The following ABCA10 variants were observed in gnomAD, a reference collection of about 807,000 sequenced individuals.
ABCA10 encodes the protein ATP binding cassette subfamily A member 10.
A neutral mutation model predicts 187.5 loss-of-function variants in ABCA10; 169 were observed. The ratio of observed to expected loss-of-function variants is 0.90; its 90% CI spans 0.80 to 1.02. The LOEUF is 1.02. Among genes scored for constraint, ABCA10 ranks in the 50% least tolerant of loss-of-function variants. The pLI is 0.00. For synonymous variants in ABCA10, 574 were observed against 601.8 expected, an observed-to-expected ratio of 0.95 and a Z score of 0.68; for missense variants, 1,727 against 1,812.4, an observed-to-expected ratio of 0.95 and a Z score of 0.86.
At chr17:69,156,148 G>A (rs944943183) in intron 28 of ABCA10, among the ~76,000 whole-genome samples, 3 of 152,094 alleles carry the variant, frequency 2.0e-5, no homozygotes, top group African/African-American at 4.8e-5. Flanking sequence ...TATCCTATCT[G>A]TCAACTGGCT....
At chr17:69,225,199 A>G (rs1250929199) in intron 3 of ABCA10, 126 bp downstream of exon 3, 7 of 1,039,780 alleles carry the variant, frequency 6.7e-6, no homozygotes, top group Non-Finnish European at 7.3e-6. Context: ...TACTGCATAT[A>G]TAATGAGAAT....
At chr17:69,194,784 AC>A in intron 11 of ABCA10, among the ~76,000 whole-genome samples, 1 of 152,316 alleles carries the variant, frequency 6.6e-6, no homozygotes, top group South Asian at 2.1e-4. Context: ...TAAAACAAAG[AC>A]TACTAGAAAT....
At chr17:69,229,143 C>CT (rs1056680019), upstream of ABCA10, among the ~76,000 whole-genome samples, 6 of 151,948 alleles carry the variant, frequency 3.9e-5, no homozygotes, top group African/African-American at 1.4e-4. Flanking sequence ...TTCCTATGTA[C>CT]TAGAAAGTGT....
In ABCA10 at chr17:69,222,498, C is replaced by A. The variant is rs146954901; in HGVS notation, c.199+35G>T. On this transcript the variant is annotated intron_variant, in intron 4 of 38. Transcript: ENST00000690296. ...CCAAACAGGGGATTCCATGAAGTAT[C>A]AAAAAAAAATTATAATCAGTTTTTT... The A allele has an allele frequency of 9.2e-3, 13,352 of 1,453,696 alleles. 71 individuals carry two copies. The highest frequency in any genetic ancestry group is 0.01 in the Non-Finnish European group (11,199 of 1,095,828). The allele number at this position is 1,453,696 out of a possible 1,614,324, so 90.0% of individuals were successfully genotyped here. A position where few individuals can be genotyped will look rare whatever the true frequency, so the allele number is the denominator to read the frequency against.
At chr17:69,199,357 C>G (rs1160895635) in intron 10 of ABCA10, among the ~76,000 whole-genome samples, 1 of 152,154 alleles carries the variant, frequency 6.6e-6, no homozygotes, top group Non-Finnish European at 1.5e-5. Context: ...CTAATTCTAG[C>G]AGAGGGACTG....
chr17:69,165,028 A>G lies in ABCA10; in HGVS notation c.3218T>C (p.Leu1073Ser), dbSNP rs748460041. Residue 1073 changes from leucine to serine, a missense_variant, in exon 26 of 39, where the codon TTA becomes TCA. Physicochemically the swap from Leu to Ser is moderately radical, Grantham distance 145. Transcript: ENST00000690296. ...AGGTATGAAAATCATGCACAAAATT[A>G]AGTTGAGTTTTTCATATTGAGTTGA... ...MVSTQYEKLN[L>S]ILCMIFIPSF... The G allele has an allele frequency of 1.2e-6, 2 of 1,609,782 alleles. No individual in the cohort carries two copies. Among genetic ancestry groups the G allele is most frequent in the Non-Finnish European group, 1.7e-6 (2 of 1,176,256 alleles).
At chr17:69,208,738 A>G (rs1240904547) in intron 9 of ABCA10, among the ~76,000 whole-genome samples, 1 of 152,150 alleles carries the variant, frequency 6.6e-6, no homozygotes, top group African/African-American at 2.4e-5. Flanking sequence ...GTTGAAGGAC[A>G]CTTTTAAGAA....
At chr17:69,229,494 T>C (rs1019375622), upstream of ABCA10, among the ~76,000 whole-genome samples, 1 of 152,006 alleles carries the variant, frequency 6.6e-6, no homozygotes, top group Non-Finnish European at 1.5e-5. Flanking sequence ...GAATGGCAAA[T>C]AATGCCTCTT....
chr17:69,193,710 A>G, intron 13 of ABCA10, 98 bp from the exon 14 acceptor site: 1 of 1,544,720 alleles, frequency 6.5e-7, no homozygotes, highest in Non-Finnish European at 8.8e-7. Flanking sequence ...AACTTCGTTG[A>G]TTAAGCTTTA....
intron 1 of ABCA10, among the ~76,000 whole-genome samples, chr17:69,240,593 A>G (rs922216411): frequency 7.9e-5 from 12 of 152,128 alleles, no homozygotes; most frequent in Admixed American, 7.2e-4. Context: ...TCTTTAGTAA[A>G]TAGTACCATG....
At chr17:69,162,861 C>T (rs1033826604) in intron 27 of ABCA10, among the ~76,000 whole-genome samples, 21 of 42,588 alleles carry the variant, frequency 4.9e-4, no homozygotes, top group African/African-American at 1.8e-3. Context: ...ATATATGAGA[C>T]GGAGTCTCTC....
intron 9 of ABCA10, among the ~76,000 whole-genome samples, chr17:69,208,437 A>G (rs1220238530): frequency 2.3e-5 from 3 of 131,596 alleles, no homozygotes; most frequent in Non-Finnish European, 5.0e-5. Context: ...AAAAAAAAAA[A>G]AAAAGAATGT....
exon 1 of ABCA10, chr17:69,244,771 C>T (rs1193312466): frequency 6.6e-6 from 1 of 151,182 alleles, no homozygotes; most frequent in Non-Finnish European, 1.5e-5. Flanking sequence ...AACAGAACAA[C>T]AATAAAAACA....
chr17:69,172,869 G>C (rs1222602345), intron 25 of ABCA10, among the ~76,000 whole-genome samples: 3 of 151,974 alleles, frequency 2.0e-5, no homozygotes, highest in East Asian at 3.8e-4. Flanking sequence ...AGGCATTAAA[G>C]CATAAGAACA....
intron 34 of ABCA10, 94 bp downstream of exon 34, chr17:69,153,211 G>T: frequency 6.8e-7 from 1 of 1,459,908 alleles, no homozygotes; most frequent in Non-Finnish European, 9.2e-7. Flanking sequence ...AAGGTTAATG[G>T]AGCAAAATGT....
chr17:69,217,561 T>C (rs985785734), intron 6 of ABCA10, among the ~76,000 whole-genome samples: 2 of 152,162 alleles, frequency 1.3e-5, no homozygotes, highest in African/African-American at 4.8e-5. Context: ...ATCCATGCCA[T>C]GGAATAGTAC....
In ABCA10 at chr17:69,194,478, A is replaced by G. The variant is rs147962946; in HGVS notation, c.1252T>C (p.Tyr418His). The part of the protein sequence containing the change: ...EALQGIFFDI[Y>H]EGQITAILGH... ...AGTATTGCAGTGATCTGTCCTTCATATATGTCAAAAAATATGCCTGTTTTA... is the reference window on the plus strand; with the variant it reads ...AGTATTGCAGTGATCTGTCCTTCATGTATGTCAAAAAATATGCCTGTTTTA... The change falls in exon 12 of 39, where the codon TAT (tyrosine) becomes CAT (histidine). Residue 418 changes from tyrosine to histidine, a missense_variant. By Grantham distance (83) the Tyr-to-His change is moderately conservative. Coordinates refer to ENST00000690296, the MANE Select transcript of ABCA10 (RefSeq NM_001377321.1). 3.2e-4 allele frequency: 520 copies of G among 1,605,798 alleles called. 2 individuals are homozygous for G. In the African/African-American group the frequency reaches 6.4e-3, roughly 20 times the overall value.
chr17:69,151,243 A>G (rs1055217964), intron 36 of ABCA10, among the ~76,000 whole-genome samples: 7 of 152,266 alleles, frequency 4.6e-5, no homozygotes, highest in African/African-American at 7.2e-5. Flanking sequence ...TGTTTCCTGG[A>G]AACAGTGTCT....
intron 5 of ABCA10, among the ~76,000 whole-genome samples, chr17:69,220,073 GAAGA>G (rs2074735535): frequency 6.6e-6 from 1 of 152,212 alleles, no homozygotes. Flanking sequence ...TAGCGCAGCA[GAAGA>G]AAGGAGAGAT....
Sources: gnomAD v4.1 joint callset for allele counts (sites outside exome capture counted in the v4.1 genomes callset) on GRCh38, gnomAD v4.1.1 for gene constraint, MANE v1.5 for transcripts, NCBI Gene and HGNC (gene_info 2026-07-23, HGNC 2026-07-21) for gene names.